CLSTN2: variants seen among roughly 807,000 people sequenced by gnomAD.
CLSTN2 encodes the protein calsyntenin-2.
A neutral mutation model predicts 101.2 loss-of-function variants in CLSTN2; 48 were observed. The observed-to-expected ratio is 0.47, with a 90% CI of 0.38 to 0.60. The LOEUF is 0.60. Among genes scored for constraint, CLSTN2 ranks in the 20% least tolerant of loss-of-function variants. The probability of loss-of-function intolerance (pLI) is 0.00; values close to 1 mark genes in which losing one functional copy is unlikely to be tolerated. For missense variants in CLSTN2, 1,160 were observed against 1,238.2 expected (o/e 0.94, Z 0.95); for synonymous variants, 481 against 463.6 (o/e 1.04, Z -0.48).
intron 1 of CLSTN2, among the ~76,000 whole-genome samples, chr3:140,128,170 A>C (rs965378574): frequency 3.9e-5 from 6 of 152,224 alleles, no homozygotes; most frequent in African/African-American, 1.4e-4. Flanking sequence ...AAGAGACCCC[A>C]TGTCCCCAAA....
intron 8 of CLSTN2, among the ~76,000 whole-genome samples, chr3:140,498,926 T>C (rs368414876): frequency 2.0e-4 from 30 of 151,714 alleles, no homozygotes; most frequent in African/African-American, 7.0e-4. Context: ...TCCCCAGCAC[T>C]GAGCACTCTG....
intron 2 of CLSTN2, among the ~76,000 whole-genome samples, chr3:140,205,219 T>G (rs574425938): frequency 6.6e-6 from 1 of 152,344 alleles, no homozygotes; most frequent in East Asian, 1.9e-4. Context: ...TACCAAATCC[T>G]ATGGGTTTTA....
At chr3:140,096,112 G>A (rs1403664590) in intron 1 of CLSTN2, among the ~76,000 whole-genome samples, 2 of 152,168 alleles carry the variant, frequency 1.3e-5, no homozygotes, top group Non-Finnish European at 2.9e-5. Flanking sequence ...TTTACCAAAT[G>A]ACTGCAAAGC....
intron 8 of CLSTN2, among the ~76,000 whole-genome samples, chr3:140,487,404 G>A (rs1374212403): frequency 6.6e-6 from 1 of 152,190 alleles, no homozygotes; most frequent in African/African-American, 2.4e-5. Context: ...AGGCTTTCCT[G>A]CCAGTTTCCT....
chr3:140,169,764 T>C (rs1448031327), intron 1 of CLSTN2, among the ~76,000 whole-genome samples: 2 of 152,126 alleles, frequency 1.3e-5, no homozygotes, highest in Non-Finnish European at 2.9e-5. Flanking sequence ...TAATATATAT[T>C]GAAGGGATGA....
intron 2 of CLSTN2, among the ~76,000 whole-genome samples, chr3:140,378,761 C>T (rs4393867): frequency 0.95 from 145,386 of 152,258 alleles, 69,765 homozygotes; most frequent in East Asian, 1. Flanking sequence ...GGGTGAGTCA[C>T]GTAGCCTCTC....
intron 2 of CLSTN2, among the ~76,000 whole-genome samples, chr3:140,390,421 C>G (rs867264001): frequency 4.6e-5 from 7 of 152,082 alleles, no homozygotes; most frequent in Admixed American, 6.6e-5. Flanking sequence ...TTTTCTAGAT[C>G]TCTTTATTGA....
intron 2 of CLSTN2, among the ~76,000 whole-genome samples, chr3:140,217,124 A>T (rs1358348293): frequency 3.9e-5 from 6 of 152,200 alleles, no homozygotes; most frequent in Admixed American, 3.3e-4. Context: ...TTGTGGAAGG[A>T]GAGGATACAC....
chr3:140,394,892 G>T (rs915356305), intron 2 of CLSTN2, among the ~76,000 whole-genome samples: 1 of 152,126 alleles, frequency 6.6e-6, no homozygotes, highest in African/African-American at 2.4e-5. Context: ...AGTACAGTAG[G>T]TTTTTGTACT....
At chr3:140,302,136 T>C (rs998180852) in intron 2 of CLSTN2, among the ~76,000 whole-genome samples, 1 of 152,204 alleles carries the variant, frequency 6.6e-6, no homozygotes, top group Non-Finnish European at 1.5e-5. Flanking sequence ...TTTGGAACAT[T>C]GTGATCATTT....
At chr3:140,360,216 G>A (rs931817668) in intron 2 of CLSTN2, among the ~76,000 whole-genome samples, 1 of 152,006 alleles carries the variant, frequency 6.6e-6, no homozygotes, top group African/African-American at 2.4e-5. Flanking sequence ...TTAATCAATA[G>A]ATATTTTTCA....
chr3:140,230,235 T>C (rs1387647913), intron 2 of CLSTN2, among the ~76,000 whole-genome samples: 1 of 152,110 alleles, frequency 6.6e-6, no homozygotes, highest in Non-Finnish European at 1.5e-5. Flanking sequence ...TGCAGTGTTG[T>C]GAGGCAAGTG....
intron 2 of CLSTN2, among the ~76,000 whole-genome samples, chr3:140,191,218 T>G (rs894501223): frequency 6.6e-6 from 1 of 152,076 alleles, no homozygotes; most frequent in African/African-American, 2.4e-5. Context: ...TAACACTGAT[T>G]GATTTTCAAA....
At position 140,562,299 on chromosome 3, in the gene CLSTN2, T is replaced by C; in HGVS notation, c.2203T>C (p.Ser735Pro). 6.2e-7 allele frequency: 1 copy of C among 1,612,844 alleles called. No individual in the cohort carries two copies. The highest frequency in any genetic ancestry group is 2.2e-5 in the East Asian group (1 of 44,846). The stretch of plus-strand genomic sequence containing the variant: ...TGCCACTAATTCTACTGCAGGCTAC[T>C]CCATCTACGGTAAGGCCACACTCAG... ...LDATNSTAGY[S>P]IYGVGSMSRY... The change falls in exon 13 of 17, where the codon TCC becomes CCC. Residue 735 changes from serine to proline, a missense_variant. Ser to Pro is a moderately conservative substitution (Grantham distance 74, BLOSUM62 -1). Transcript: ENST00000458420.
At chr3:140,077,611 C>T (rs964874107) in intron 1 of CLSTN2, among the ~76,000 whole-genome samples, 9 of 152,076 alleles carry the variant, frequency 5.9e-5, no homozygotes, top group African/African-American at 2.2e-4. Flanking sequence ...GCCCTGTACA[C>T]TGCTGAGGCT....
At chr3:140,484,346 T>C (rs928584709) in intron 8 of CLSTN2, among the ~76,000 whole-genome samples, 19 of 152,248 alleles carry the variant, frequency 1.2e-4, no homozygotes, top group Non-Finnish European at 2.4e-4. Context: ...GTTAGTCTGA[T>C]GGGCTTCCCT....
chr3:139,936,609 G>C (rs1163381771), intron 1 of CLSTN2, among the ~76,000 whole-genome samples: 1 of 152,168 alleles, frequency 6.6e-6, no homozygotes. Context: ...TGATTCGGAC[G>C]CTTGCTTTGA....
intron 2 of CLSTN2, among the ~76,000 whole-genome samples, chr3:140,314,058 C>T (rs1451272496): frequency 6.6e-6 from 1 of 152,144 alleles, no homozygotes; most frequent in East Asian, 1.9e-4. Context: ...TGAACTCTAC[C>T]ATTTGTAGAG....
chr3:140,139,965 C>T (rs1420012467), intron 1 of CLSTN2, among the ~76,000 whole-genome samples: 1 of 152,330 alleles, frequency 6.6e-6, no homozygotes, highest in African/African-American at 2.4e-5. Context: ...AAAGAGGGAA[C>T]AGTGGCATGT....
Sources: gnomAD v4.1 joint callset for allele counts (sites outside exome capture counted in the v4.1 genomes callset) on GRCh38, gnomAD v4.1.1 for gene constraint, MANE v1.5 for transcripts, NCBI Gene and HGNC (gene_info 2026-07-23, HGNC 2026-07-21) for gene names.